Variants in FNDC3B observed in about 807,000 individuals in gnomAD.
FNDC3B encodes the protein fibronectin type III domain-containing protein 3B.
Under a neutral mutation model 151.5 loss-of-function variants are expected in FNDC3B, and 12 were observed. The ratio of observed to expected loss-of-function variants is 0.08; its 90% CI spans 0.05 to 0.13. The LOEUF (loss-of-function observed/expected upper bound fraction) is 0.13, where lower values mean the gene tolerates loss of function less well. Ranked by LOEUF, FNDC3B falls within the 10% of genes least tolerant of loss-of-function variation. The probability of loss-of-function intolerance (pLI) is 1.00; values close to 1 mark genes in which losing one functional copy is unlikely to be tolerated. For missense variants in FNDC3B, 1,214 were observed against 1,505.3 expected, an observed-to-expected ratio of 0.81 and a Z score of 3.20; for synonymous variants, 528 against 549.0, an observed-to-expected ratio of 0.96 and a Z score of 0.54.
intron 3 of FNDC3B, among the ~76,000 whole-genome samples, chr3:172,179,290 G>A (rs146850942): frequency 0.014 from 2,195 of 152,220 alleles, 54 homozygotes; most frequent in African/African-American, 0.049. Flanking sequence ...TCGAACTCCT[G>A]ACCTCAGGTG....
chr3:172,281,460 T>C (rs1729720883), intron 6 of FNDC3B, among the ~76,000 whole-genome samples: 1 of 152,150 alleles, frequency 6.6e-6, no homozygotes, highest in South Asian at 2.1e-4. Flanking sequence ...GGTTTTCATG[T>C]TCATTTACCC....
At chr3:172,251,637 G>A (rs1728086853) in intron 6 of FNDC3B, 96 bp downstream of exon 6, 2 of 1,195,604 alleles carry the variant, frequency 1.7e-6, no homozygotes, top group African/African-American at 1.5e-5. Context: ...TTATTTCATG[G>A]TGGTTGGTTG....
intron 3 of FNDC3B, among the ~76,000 whole-genome samples, chr3:172,210,438 C>G (rs984823078): frequency 6.6e-6 from 1 of 152,106 alleles, no homozygotes; most frequent in Admixed American, 6.5e-5. Flanking sequence ...CCCACACAAT[C>G]CTTCCGATCC....
intron 25 of FNDC3B, among the ~76,000 whole-genome samples, chr3:172,384,561 T>G (rs1229509448): frequency 6.6e-6 from 1 of 152,242 alleles, no homozygotes; most frequent in Non-Finnish European, 1.5e-5. Flanking sequence ...AGTACATTGA[T>G]CACACATTTG....
At chr3:172,052,625 G>C (rs563529178) in intron 1 of FNDC3B, among the ~76,000 whole-genome samples, 1 of 152,254 alleles carries the variant, frequency 6.6e-6, no homozygotes, top group Admixed American at 6.5e-5. Flanking sequence ...GAATCTCCTG[G>C]GACATTATAG....
intron 3 of FNDC3B, among the ~76,000 whole-genome samples, chr3:172,200,258 A>G (rs1725077615): frequency 6.6e-6 from 1 of 152,206 alleles, no homozygotes; most frequent in Non-Finnish European, 1.5e-5. Flanking sequence ...AAACCCACAC[A>G]GACATGAGGA....
chr3:172,322,223 A>G (rs1323623242), intron 11 of FNDC3B, among the ~76,000 whole-genome samples: 1 of 152,176 alleles, frequency 6.6e-6, no homozygotes, highest in African/African-American at 2.4e-5. Context: ...ATCTTCTGGC[A>G]GTGTTTTCAC....
intron 22 of FNDC3B, 71 bp from the exon 23 acceptor site, chr3:172,362,562 T>C: frequency 2.7e-6 from 3 of 1,128,494 alleles, no homozygotes; most frequent in Admixed American, 3.5e-5. Flanking sequence ...CTATGCTCAA[T>C]GTTTATTTCG....
chr3:172,379,916 G>C (rs957238017), intron 24 of FNDC3B, among the ~76,000 whole-genome samples: 1 of 152,128 alleles, frequency 6.6e-6, no homozygotes, highest in Non-Finnish European at 1.5e-5. Flanking sequence ...TTCCCACTCT[G>C]ATGCATGATC....
chr3:172,197,366 T>C (rs1724892136), intron 3 of FNDC3B, among the ~76,000 whole-genome samples: 1 of 152,194 alleles, frequency 6.6e-6, no homozygotes, highest in Non-Finnish European at 1.5e-5. Context: ...TCTGAACCGT[T>C]AGAGAGTAAA....
At chr3:172,339,713 C>T (rs1477244951) in intron 16 of FNDC3B, among the ~76,000 whole-genome samples, 1 of 152,202 alleles carries the variant, frequency 6.6e-6, no homozygotes, top group African/African-American at 2.4e-5. Flanking sequence ...CTCCCTTTAG[C>T]TACTGATGAC....
chr3:172,251,629 A>T, intron 6 of FNDC3B, 88 bp downstream of exon 6: 3 of 1,255,802 alleles, frequency 2.4e-6, no homozygotes, highest in Non-Finnish European at 3.3e-6. Flanking sequence ...TGAGAATATT[A>T]TTTCATGGTG....
At chr3:172,388,611 G>C (rs1358028430) in intron 25 of FNDC3B, among the ~76,000 whole-genome samples, 1 of 152,166 alleles carries the variant, frequency 6.6e-6, no homozygotes, top group Non-Finnish European at 1.5e-5. Flanking sequence ...CACAGTCCTG[G>C]GGGAGGCACA....
At chr3:172,202,680 T>C (rs1477998989) in intron 3 of FNDC3B, among the ~76,000 whole-genome samples, 1 of 152,228 alleles carries the variant, frequency 6.6e-6, no homozygotes, top group Non-Finnish European at 1.5e-5. Flanking sequence ...ATTAACCATC[T>C]GTTATTGAAT....
At chr3:172,243,276 A>T (rs62281799) in intron 4 of FNDC3B, among the ~76,000 whole-genome samples, 22,554 of 152,086 alleles carry the variant, frequency 0.15, 1,794 homozygotes, top group African/African-American at 0.21. Flanking sequence ...TTTTCGGGTA[A>T]CTTTTCAGCA....
At chr3:172,157,823 T>C (rs1265242953) in intron 3 of FNDC3B, among the ~76,000 whole-genome samples, 1 of 152,152 alleles carries the variant, frequency 6.6e-6, no homozygotes, top group African/African-American at 2.4e-5. Context: ...TGACTTTTAG[T>C]TTTTTGGGAT....
intron 1 of FNDC3B, among the ~76,000 whole-genome samples, chr3:172,102,003 T>C (rs559595130): frequency 6.6e-6 from 1 of 152,356 alleles, no homozygotes; most frequent in East Asian, 1.9e-4. Context: ...ATGGGTTGTC[T>C]TTGAAAGTTA....
chr3:172,131,117 C>T (rs1721070888), intron 2 of FNDC3B, among the ~76,000 whole-genome samples: 1 of 152,240 alleles, frequency 6.6e-6, no homozygotes. Flanking sequence ...AAATATTTGG[C>T]CCGGCGCAGT....
At chr3:172,100,419 C>G (rs1237873419) in intron 1 of FNDC3B, among the ~76,000 whole-genome samples, 3 of 152,154 alleles carry the variant, frequency 2.0e-5, no homozygotes, top group Non-Finnish European at 4.4e-5. Flanking sequence ...TCATTCTTAT[C>G]TATTAAATAA....
Sources: gnomAD v4.1 joint callset for allele counts (sites outside exome capture counted in the v4.1 genomes callset) on GRCh38, gnomAD v4.1.1 for gene constraint, MANE v1.5 for transcripts, NCBI Gene and HGNC (gene_info 2026-07-23, HGNC 2026-07-21) for gene names.